TBC1D9: variants seen among roughly 807,000 people sequenced by gnomAD.
The protein encoded by TBC1D9 is TBC1 domain family member 9.
In TBC1D9, 63 loss-of-function variants were observed where a neutral mutation model predicts 132.0. That is an observed-to-expected ratio of 0.48 (90% CI 0.39 to 0.59). The LOEUF (loss-of-function observed/expected upper bound fraction) is 0.59. TBC1D9 is among the 20% of genes least tolerant of loss of function. The pLI is 0.00. For synonymous variants in TBC1D9, 610 were observed against 609.9 expected, an observed-to-expected ratio of 1.00 and a Z score of 0.00; for missense variants, 1,261 against 1,592.7, an observed-to-expected ratio of 0.79 and a Z score of 3.54.
At chr4:140,698,789 C>T (rs1392096945) in intron 2 of TBC1D9, among the ~76,000 whole-genome samples, 1 of 152,092 alleles carries the variant, frequency 6.6e-6, no homozygotes, top group African/African-American at 2.4e-5. Flanking sequence ...TCAGGTACTA[C>T]TAAATCCTTG....
intron 1 of TBC1D9, among the ~76,000 whole-genome samples, chr4:140,717,886 C>T (rs1738362996): frequency 6.6e-6 from 1 of 152,126 alleles, no homozygotes; most frequent in South Asian, 2.1e-4. Flanking sequence ...CCCAGTGGTA[C>T]CCCAGGAAAT....
At chr4:140,755,308 T>C (rs1332998216) in intron 1 of TBC1D9, among the ~76,000 whole-genome samples, 1 of 152,182 alleles carries the variant, frequency 6.6e-6, no homozygotes, top group South Asian at 2.1e-4. Context: ...TGAGCAAAAA[T>C]AGTTAAAATG....
chr4:140,755,569 T>C (rs1377264962), intron 1 of TBC1D9, among the ~76,000 whole-genome samples: 1 of 152,086 alleles, frequency 6.6e-6, no homozygotes, highest in Non-Finnish European at 1.5e-5. Context: ...TCTTTTCCAT[T>C]TGGAAAACAA....
chr4:140,753,385 T>G (rs1354636420), intron 1 of TBC1D9, among the ~76,000 whole-genome samples: 1 of 152,032 alleles, frequency 6.6e-6, no homozygotes, highest in Non-Finnish European at 1.5e-5. Context: ...TACACCACCA[T>G]GCCCAGTTCC....
chr4:140,724,118 C>A (rs1738463392), intron 1 of TBC1D9, among the ~76,000 whole-genome samples: 2 of 152,078 alleles, frequency 1.3e-5, no homozygotes, highest in Admixed American at 1.3e-4. Context: ...TACTAAATGT[C>A]ATAAAAATAA....
In TBC1D9 at chr4:140,701,624, G is replaced by T; in HGVS notation, c.131-10C>A. On this transcript the variant is annotated splice_polypyrimidine_tract_variant and intron_variant, in intron 1 of 20. Coordinates refer to ENST00000442267, the MANE Select transcript of TBC1D9 (RefSeq NM_015130.3). ...GTACCCACCAGCAGGCCTGAGGGTG[G>T]AAAGTGGGGAGAAACAGGTAAGAAT... The T allele has an allele frequency of 6.2e-7, 1 of 1,608,804 alleles. No individual in the cohort carries two copies. Among genetic ancestry groups the T allele is most frequent in the Non-Finnish European group, 8.5e-7 (1 of 1,175,318 alleles).
chr4:140,729,759 G>T (rs1273283922), intron 1 of TBC1D9, among the ~76,000 whole-genome samples: 1 of 117,854 alleles, frequency 8.5e-6, no homozygotes, highest in Non-Finnish European at 1.6e-5. Context: ...GGCAGAGGTT[G>T]CAATGAGCCG....
At chr4:140,747,383 T>C (rs1738853179) in intron 1 of TBC1D9, among the ~76,000 whole-genome samples, 2 of 151,628 alleles carry the variant, frequency 1.3e-5, no homozygotes, top group South Asian at 2.1e-4. Flanking sequence ...CAAAATCAAA[T>C]AGGCTCACAC....
intron 2 of TBC1D9, among the ~76,000 whole-genome samples, chr4:140,687,354 ATATAT>A (rs1737801101): frequency 2.1e-5 from 1 of 47,798 alleles, no homozygotes; most frequent in Non-Finnish European, 4.8e-5. Flanking sequence ...ATATATATAT[ATATAT>A]ATATATATAT....
chr4:140,704,306 C>T (rs1738116463), intron 1 of TBC1D9, among the ~76,000 whole-genome samples: 1 of 151,866 alleles, frequency 6.6e-6, no homozygotes, highest in African/African-American at 2.4e-5. Context: ...GAGGCTGAGG[C>T]AGGAGAACTG....
chr4:140,643,385 C>T, intron 13 of TBC1D9: 2 of 1,167,594 alleles, frequency 1.7e-6, no homozygotes, highest in Non-Finnish European at 2.4e-6. Flanking sequence ...TGGCCTGGGG[C>T]AGCTCCATGG....
intron 18 of TBC1D9, among the ~76,000 whole-genome samples, chr4:140,626,679 A>G (rs963915818): frequency 1.3e-5 from 2 of 152,244 alleles, no homozygotes; most frequent in African/African-American, 2.4e-5. Context: ...ATATGAATTA[A>G]TATATAAATT....
intron 13 of TBC1D9, chr4:140,642,696 C>T: frequency 1.5e-6 from 1 of 665,574 alleles, no homozygotes; most frequent in East Asian, 2.5e-5. Flanking sequence ...CCAATAAGGG[C>T]ATTGTGTTCC....
intron 6 of TBC1D9, among the ~76,000 whole-genome samples, chr4:140,674,439 T>C (rs903443331): frequency 1.3e-5 from 2 of 152,098 alleles, no homozygotes; most frequent in African/African-American, 2.4e-5. Flanking sequence ...GAGAGAAAAC[T>C]AGATGCAACG....
At chr4:140,656,798 A>G (rs948257111) in intron 13 of TBC1D9, among the ~76,000 whole-genome samples, 3 of 152,136 alleles carry the variant, frequency 2.0e-5, no homozygotes, top group African/African-American at 7.2e-5. Flanking sequence ...GCCTTCACAA[A>G]TGGATTAATG....
intron 1 of TBC1D9, among the ~76,000 whole-genome samples, chr4:140,711,275 G>A (rs1738239145): frequency 6.6e-6 from 1 of 152,148 alleles, no homozygotes; most frequent in Non-Finnish European, 1.5e-5. Context: ...TGTAGAGGCG[G>A]GTCTGAAAAC....
chr4:140,742,423 T>G (rs1373593286), intron 1 of TBC1D9, among the ~76,000 whole-genome samples: 2 of 150,170 alleles, frequency 1.3e-5, no homozygotes, highest in Non-Finnish European at 2.9e-5. Flanking sequence ...TCCCAGTTAC[T>G]CAGGAGGCTG....
intron 1 of TBC1D9, among the ~76,000 whole-genome samples, chr4:140,724,842 A>G (rs1367545690): frequency 6.6e-6 from 1 of 152,200 alleles, no homozygotes; most frequent in South Asian, 2.1e-4. Context: ...AGAAAATGCA[A>G]ATTAGAAGTA....
At chr4:140,725,159 T>C (rs973727530) in intron 1 of TBC1D9, among the ~76,000 whole-genome samples, 4 of 152,062 alleles carry the variant, frequency 2.6e-5, no homozygotes, top group African/African-American at 9.7e-5. Flanking sequence ...AGAATAAACG[T>C]CCATTAACAG....
Sources: allele counts gnomAD v4.1 joint callset (sites outside exome capture counted in the v4.1 genomes callset), GRCh38; gene constraint gnomAD v4.1.1; transcripts MANE v1.5; gene names NCBI Gene and HGNC (gene_info 2026-07-23, HGNC 2026-07-21).